The following MAP4 variants were observed in gnomAD, a reference collection of about 807,000 sequenced individuals.
The protein encoded by MAP4 is microtubule-associated protein 4.
In MAP4, 76 loss-of-function variants were observed where a neutral mutation model predicts 170.2. The observed-to-expected ratio is 0.45, with a 90% CI of 0.37 to 0.54. The LOEUF (loss-of-function observed/expected upper bound fraction) is 0.54, where lower values mean the gene tolerates loss of function less well. MAP4 is among the 20% of genes least tolerant of loss of function. The pLI, the probability that MAP4 is intolerant of heterozygous loss-of-function variation, is 0.00. For synonymous variants in MAP4, 909 were observed against 994.5 expected (o/e 0.91, Z 1.62); for missense variants, 2,506 against 2,748.0 (o/e 0.91, Z 1.97).
chr3:47,891,477 G>A (rs1559929998), intron 10 of MAP4: 1 of 1,519,268 alleles, frequency 6.6e-7, no homozygotes, highest in South Asian at 1.2e-5. Context: ...CTAGGCATTG[G>A]GCTACTAGGG....
intron 2 of MAP4, among the ~76,000 whole-genome samples, chr3:47,997,338 A>AAAAAAAAAAAAAAAAAG: frequency 6.7e-6 from 1 of 149,640 alleles, no homozygotes; most frequent in African/African-American, 2.4e-5. Flanking sequence ...AAAAAAAAAA[A>AAAAAAAAAAAAAAAAAG]AAAAAAAGAT....
intron 12 of MAP4, among the ~76,000 whole-genome samples, chr3:47,874,282 A>G (rs2094493143): frequency 6.6e-6 from 1 of 152,126 alleles, no homozygotes; most frequent in South Asian, 2.1e-4. Context: ...AGCCTGGCCA[A>G]TGTGGTGAAT....
intron 9 of MAP4, among the ~76,000 whole-genome samples, chr3:47,905,102 T>C (rs764756419): frequency 4.6e-5 from 7 of 152,158 alleles, no homozygotes; most frequent in Non-Finnish European, 5.9e-5. Flanking sequence ...ACATGAATGA[T>C]TCAAAGTGAG....
intron 4 of MAP4, among the ~76,000 whole-genome samples, chr3:47,924,147 G>A (rs568787870): frequency 3.3e-5 from 5 of 152,310 alleles, no homozygotes; most frequent in Admixed American, 3.3e-4. Context: ...AAAACCCAAA[G>A]ATGTACAAGG....
chr3:47,983,534 G>C (rs779453349), intron 2 of MAP4, among the ~76,000 whole-genome samples: 1 of 151,900 alleles, frequency 6.6e-6, no homozygotes, highest in African/African-American at 2.4e-5. Context: ...CTACAGGCAT[G>C]TGCCACCATG....
intron 1 of MAP4, among the ~76,000 whole-genome samples, chr3:48,045,608 G>A (rs1229817959): frequency 3.9e-5 from 6 of 152,156 alleles, no homozygotes; most frequent in Non-Finnish European, 7.3e-5. Flanking sequence ...GTGCTAAAAA[G>A]GTTGAGGACC....
Position 47,910,038 on chromosome 3 carries a change from C to T in MAP4, c.4383G>A (p.Leu1461=). Residue 1461 remains leucine, a synonymous_variant, in exon 9 of 21, where the codon TTG becomes TTA. Coordinates refer to ENST00000683076, the MANE Select transcript of MAP4 (RefSeq NM_001385682.1). Reference sequence around the variant, plus strand: ...GGGCTATCTCTTGCCCATTTTTTGCCAAGGTATCTGGAAAGGAATCACCTT... The same window carrying T: ...GGGCTATCTCTTGCCCATTTTTTGCTAAGGTATCTGGAAAGGAATCACCTT... ...VKEGDSFPDT[L]AKNGQEIAPA... is the part of the protein sequence containing the mutation. 2 of 1,613,888 alleles carry T rather than the reference C, an allele frequency of 1.2e-6. No homozygotes were observed. The highest frequency in any genetic ancestry group is 1.7e-6 in the Non-Finnish European group (2 of 1,179,862).
chr3:47,870,744 A>C, intron 15 of MAP4, 69 bp downstream of exon 15: 1 of 1,438,178 alleles, frequency 7.0e-7, no homozygotes, highest in Non-Finnish European at 9.4e-7. Flanking sequence ...GGGCCTGGGA[A>C]CAGTGGGTGG....
chr3:48,054,503 G>A (rs1200254912), intron 1 of MAP4, among the ~76,000 whole-genome samples: 2 of 149,514 alleles, frequency 1.3e-5, no homozygotes, highest in African/African-American at 2.5e-5. Context: ...GGTGGCGGGC[G>A]CCTGTAATCC....
At position 47,909,450 on chromosome 3, in the gene MAP4, A is replaced by T; in HGVS notation, c.4971T>A (p.Asp1657Glu). The T allele has an allele frequency of 6.2e-7, 1 of 1,613,870 alleles. No individual in the cohort carries two copies. ...KGSDSLNKKV[D>E]LTLLSPKSEN... Reference sequence around the variant, plus strand: ...CACTTTTTGGAGACAAAAGAGTCAGATCTACCTTCTTATTCAAACTATCTG... The same window carrying T: ...CACTTTTTGGAGACAAAAGAGTCAGTTCTACCTTCTTATTCAAACTATCTG... The change falls in exon 9 of 21, where the codon GAT becomes GAA. Residue 1657 changes from aspartate to glutamate, a missense_variant. Coordinates refer to ENST00000683076, the MANE Select transcript of MAP4 (RefSeq NM_001385682.1).
intron 1 of MAP4, among the ~76,000 whole-genome samples, chr3:48,081,199 A>G (rs202016844): frequency 6.6e-6 from 1 of 152,160 alleles, no homozygotes; most frequent in East Asian, 1.9e-4. Context: ...CTGAGGCAGG[A>G]GAATGGTGTG....
At chr3:47,930,976 C>T (rs1373512787) in intron 3 of MAP4, among the ~76,000 whole-genome samples, 1 of 149,986 alleles carries the variant, frequency 6.7e-6, no homozygotes, top group Non-Finnish European at 1.5e-5. Context: ...GACATTTTAC[C>T]AAAGAAAATA....
At chr3:47,907,959 T>C (rs2100034013) in intron 9 of MAP4, among the ~76,000 whole-genome samples, 1 of 152,160 alleles carries the variant, frequency 6.6e-6, no homozygotes, top group Non-Finnish European at 1.5e-5. Flanking sequence ...AGACAAGCTT[T>C]ACCCAAAAGA....
At chr3:47,881,490 ATATAT>A (rs2096743990) in intron 10 of MAP4, among the ~76,000 whole-genome samples, 1 of 88,706 alleles carries the variant, frequency 1.1e-5, no homozygotes, top group Admixed American at 1.2e-4. Context: ...ATATATATAT[ATATAT>A]ATGCATAATC....
chr3:48,046,457 A>T lies in MAP4; in HGVS notation c.-20+42316T>A, dbSNP rs1400806658. On this transcript the variant is annotated intron_variant, in intron 1 of 18. Transcript: ENST00000360240. ...GAAAGTGTATATGAGAACCACATAA[A>T]GCAACAACTCCCTGTATATCACATC... Among the ~76,000 whole-genome samples the T allele has an allele frequency of 2.0e-5, 3 of 152,244 alleles. No individual in the cohort carries two copies. The South Asian group carries it at 6.2e-4, about 31-fold the overall frequency.
At chr3:47,890,284 C>T (rs966262421) in intron 10 of MAP4, among the ~76,000 whole-genome samples, 3 of 152,008 alleles carry the variant, frequency 2.0e-5, no homozygotes, top group African/African-American at 4.8e-5. Flanking sequence ...TCACAAAGAC[C>T]GCAAAATTTA....
intron 1 of MAP4, among the ~76,000 whole-genome samples, chr3:48,003,766 T>C (rs1043277369): frequency 6.6e-6 from 1 of 152,084 alleles, no homozygotes. Context: ...TGTGAGGGTG[T>C]TGCCAAAGGA....
At chr3:47,972,910 A>G (rs1396435078) in intron 3 of MAP4, among the ~76,000 whole-genome samples, 2 of 152,122 alleles carry the variant, frequency 1.3e-5, no homozygotes, top group East Asian at 3.8e-4. Flanking sequence ...AAAAAGAAAA[A>G]AAAATTCATA....
Position 47,869,240 on chromosome 3 carries a change from T to G in MAP4, c.6382A>C (p.Ser2128Arg). Residue 2128 changes from serine to arginine, a missense_variant, in exon 16 of 21, where the codon AGT becomes CGT. By Grantham distance (110) the Ser-to-Arg change is moderately radical. Around this residue, in one of 3 missense-constraint regions of MAP4, gnomAD observed 487 missense variants for 511.6 expected, o/e 0.95. Transcript: ENST00000683076. ...AVTKTAGPIA[S>R]AQKQPAGKVQ... ...TTCCCCGCAGGTTGTTTCTGTGCAC[T>G]TGCAATTGGGCCGGCTGTTTTAGTG... is the stretch of plus-strand genomic sequence containing the variant. 6.2e-7 allele frequency: 1 copy of G among 1,613,672 alleles called. No individual in the cohort carries two copies. Among genetic ancestry groups the G allele is most frequent in the Non-Finnish European group, 8.5e-7 (1 of 1,179,556 alleles).
Sources: gnomAD v4.1 joint callset for allele counts (sites outside exome capture counted in the v4.1 genomes callset) on GRCh38, gnomAD v4.1.1 for gene constraint, gnomAD v4.1.1 regional missense constraint, MANE v1.5 for transcripts, NCBI Gene and HGNC (gene_info 2026-07-23, HGNC 2026-07-21) for gene names.